Variants in DYSF observed in about 807,000 individuals in gnomAD.
DYSF encodes dysferlin, also known as dystrophy-associated fer-1-like 1.
A neutral mutation model predicts 274.9 loss-of-function variants in DYSF; 212 were observed. The ratio of observed to expected loss-of-function variants is 0.77; its 90% CI spans 0.69 to 0.86. The LOEUF is 0.86. DYSF is among the 40% of genes least tolerant of loss of function. DYSF has a pLI of 0.00. For synonymous variants in DYSF, 1,091 were observed against 1,078.7 expected, an observed-to-expected ratio of 1.01 and a Z score of -0.22; for missense variants, 2,666 against 2,783.2, an observed-to-expected ratio of 0.96 and a Z score of 0.95.
chr2:71,555,338 G>A (rs1291817428), intron 21 of DYSF, among the ~76,000 whole-genome samples: 2 of 152,028 alleles, frequency 1.3e-5, no homozygotes, highest in Non-Finnish European at 2.9e-5. Flanking sequence ...CAGGAAGGCT[G>A]CTGGGTGGGG....
In DYSF at chr2:71,611,479, C is replaced by T. The variant is rs1414587843; in HGVS notation, c.4074C>T (p.Gly1358=). Residue 1358 remains glycine, a synonymous_variant, in exon 38 of 56, where the codon GGC becomes GGT. Transcript: ENST00000410020. Reference sequence around the variant, plus strand: ...TGTGTGCTTAGATCCTGGCATGGGGCCTGCGGAACATGAAGAGTTACCAGC... The same window carrying T: ...TGTGTGCTTAGATCCTGGCATGGGGTCTGCGGAACATGAAGAGTTACCAGC... ...QRTAIEILAW[G]LRNMKSYQLA... 1.2e-6 allele frequency: 2 copies of T among 1,614,160 alleles called. No individual in the cohort carries two copies. Among genetic ancestry groups the T allele is most frequent in the African/African-American group, 1.3e-5 (1 of 75,058 alleles).
chr2:71,583,657 G>A (rs1307095096), intron 30 of DYSF, among the ~76,000 whole-genome samples: 1 of 152,190 alleles, frequency 6.6e-6, no homozygotes, highest in Non-Finnish European at 1.5e-5. Flanking sequence ...AGGCACCATT[G>A]CAAACAGAGG....
chr2:71,537,223 G>GTTTTGTTTTT (rs1553536523), intron 16 of DYSF, among the ~76,000 whole-genome samples: 266 of 79,492 alleles, frequency 3.3e-3, no homozygotes, highest in South Asian at 4.5e-3. Context: ...TTCTAGTTTT[G>GTTTTGTTTTT]TTTTTTTTTT....
At position 71,674,247 on chromosome 2, in the gene DYSF, G is replaced by A. The variant is rs544671347; in HGVS notation, c.5835G>A (p.Val1945=). 3 of 1,614,216 alleles carry A rather than the reference G, an allele frequency of 1.9e-6. No homozygotes were observed. The highest frequency in any genetic ancestry group is 2.2e-5 in the South Asian group (2 of 91,084). ...DKTESKIPAR[V]VFQIWDNDKF... is the part of the protein sequence containing the mutation. ...CTGAGAGCAAAATCCCAGCACGAGT[G>A]GTGTTCCAGATCTGGGACAATGACA... The change falls in exon 52 of 56, where the codon GTG becomes GTA. Residue 1945 remains valine, a synonymous_variant. Transcript: ENST00000410020.
intron 30 of DYSF, among the ~76,000 whole-genome samples, chr2:71,587,532 G>GTCAT (rs1209869165): frequency 2.6e-5 from 4 of 152,200 alleles, no homozygotes; most frequent in Non-Finnish European, 1.5e-5. Context: ...CCCTCGTAAG[G>GTCAT]TCATTGATAG....
exon 1 of DYSF, chr2:71,453,832 C>T (rs977560412): frequency 1.1e-5 from 8 of 719,296 alleles, no homozygotes; most frequent in Non-Finnish European, 2.0e-5. Flanking sequence ...GGGGGTGGCC[C>T]GTTCCCCTTT....
rs1045412680 is a variant in DYSF, at chr2:71,570,714, T to A, written c.3201T>A (p.Asp1067Glu). 6.8e-6 allele frequency: 11 copies of A among 1,613,954 alleles called. No homozygotes were observed. Among genetic ancestry groups the A allele is most frequent in the Non-Finnish European group, 9.3e-6 (11 of 1,179,938 alleles). Residue 1067 changes from aspartate (D) to glutamate (E), a missense_variant, in exon 29 of 56, where the codon GAT becomes GAA. This residue lies in a region of DYSF where 1,460 missense variants were observed against 1,502.1 expected (regional missense o/e 0.97). Transcript: ENST00000410020. ...GCTGGGTGCGCCTGCGCAGGAGGGA[T>A]CTCAGCCAAATGGAAGCACTGAAAA... ...RRRWVRLRRR[D>E]LSQMEALKRH...
At chr2:71,501,973 G>C (rs1264000739) in intron 3 of DYSF, among the ~76,000 whole-genome samples, 1 of 152,064 alleles carries the variant, frequency 6.6e-6, no homozygotes, top group Non-Finnish European at 1.5e-5. Context: ...TAACTGCTAT[G>C]CTGTTTCCCA....
At chr2:71,593,219 G>A (rs1213692603) in intron 32 of DYSF, among the ~76,000 whole-genome samples, 1 of 133,340 alleles carries the variant, frequency 7.5e-6, no homozygotes, top group Non-Finnish European at 1.5e-5. Flanking sequence ...TGCAACCTCC[G>A]CCTCCCAGGT....
intron 41 of DYSF, among the ~76,000 whole-genome samples, chr2:71,631,678 G>T (rs568877407): frequency 2.6e-5 from 4 of 152,288 alleles, no homozygotes; most frequent in African/African-American, 9.6e-5. Context: ...GTTATTTGCT[G>T]TGTTTGCTGG....
chr2:71,504,685 C>A (rs910709236), intron 4 of DYSF, among the ~76,000 whole-genome samples: 14 of 152,230 alleles, frequency 9.2e-5, no homozygotes, highest in African/African-American at 9.6e-5. Flanking sequence ...CTTGCTGGGA[C>A]ACCAGCATCT....
At chr2:71,682,765 A>G (rs897939976) in intron 55 of DYSF, 88 bp downstream of exon 55, 3 of 1,525,878 alleles carry the variant, frequency 2.0e-6, no homozygotes, top group Non-Finnish European at 2.7e-6. Context: ...TCCCAGTCTA[A>G]TGGAGAGAAG....
intron 1 of DYSF, among the ~76,000 whole-genome samples, 154 bp from the exon 2 acceptor site, chr2:71,480,729 A>C (rs912312018): frequency 6.6e-6 from 1 of 152,150 alleles, no homozygotes; most frequent in African/African-American, 2.4e-5. Context: ...TTGGGGATTC[A>C]TTGCAGACTG....
At chr2:71,579,769 T>A (rs1444358345) in intron 30 of DYSF, among the ~76,000 whole-genome samples, 3 of 152,090 alleles carry the variant, frequency 2.0e-5, no homozygotes, top group Non-Finnish European at 4.4e-5. Flanking sequence ...AAAATTTGAT[T>A]CCCCAATCAG....
intron 41 of DYSF, among the ~76,000 whole-genome samples, chr2:71,632,825 C>A (rs537572027): frequency 1.3e-5 from 2 of 152,154 alleles, no homozygotes; most frequent in Non-Finnish European, 2.9e-5. Flanking sequence ...CACCAGCAAC[C>A]TCGGGTTCCC....
rs1553556116 is a variant in DYSF at position 71,570,685 on chromosome 2, C to T, written c.3172C>T (p.Arg1058Trp). Residue 1058 changes from arginine to tryptophan, a missense_variant, in exon 29 of 56, where the codon CGG (arginine) becomes TGG (tryptophan). Physicochemically the swap from Arg to Trp is moderately radical, Grantham distance 101 (BLOSUM62 -3). Around this residue, in one of 3 missense-constraint regions of DYSF, gnomAD observed 1,460 missense variants for 1,502.1 expected, o/e 0.97. Coordinates refer to ENST00000410020, the MANE Select transcript of DYSF (RefSeq NM_001130987.2). ...GAAGATGTACTACACACACCGACGG[C>T]GGCGCTGGGTGCGCCTGCGCAGGAG... ...AEKMYYTHRR[R>W]RWVRLRRRDL... is the part of the protein sequence containing the mutation. The T allele has an allele frequency of 5.0e-6, 8 of 1,614,044 alleles. No individual in the cohort carries two copies. Among genetic ancestry groups the T allele is most frequent in the South Asian group, 3.3e-5 (3 of 91,080 alleles).
intron 30 of DYSF, among the ~76,000 whole-genome samples, chr2:71,586,498 T>C (rs2093072602): frequency 6.6e-6 from 1 of 151,868 alleles, no homozygotes; most frequent in African/African-American, 2.4e-5. Context: ...GCATTCTCAG[T>C]GGGAGCGTTG....
chr2:71,540,913 GTCTTTTCCTTAGGGAATA>G (rs1417653533), intron 17 of DYSF, among the ~76,000 whole-genome samples: 10 of 152,066 alleles, frequency 6.6e-5, no homozygotes, highest in Non-Finnish European at 1.2e-4. Context: ...AAATCTGTTA[GTCTTTTCCTTAGGGAATA>G]AGGCAGGGAT....
At chr2:71,620,455 C>G (rs2094068328) in intron 40 of DYSF, 92 bp from the exon 41 acceptor site, 8 of 1,340,304 alleles carry the variant, frequency 6.0e-6, no homozygotes, top group Non-Finnish European at 5.2e-6. Context: ...CAGAGGGTGC[C>G]TGGTCAGAGA....
Sources: gnomAD v4.1 joint callset for allele counts (sites outside exome capture counted in the v4.1 genomes callset) on GRCh38, gnomAD v4.1.1 for gene constraint, gnomAD v4.1.1 regional missense constraint, MANE v1.5 for transcripts, NCBI Gene and HGNC (gene_info 2026-07-23, HGNC 2026-07-21) for gene names.